The following IRAG1 variants were observed in gnomAD, a reference collection of about 807,000 sequenced individuals.
IRAG1 encodes the protein IP3R-associated cGMP kinase substrate.
In IRAG1, 62 loss-of-function variants were observed where a neutral mutation model predicts 106.2. The observed-to-expected ratio is 0.58, with a 90% CI of 0.48 to 0.72. The LOEUF is 0.72. IRAG1 is among the 30% of genes least tolerant of loss of function. The probability of loss-of-function intolerance (pLI) is 0.00; values close to 1 mark genes in which losing one functional copy is unlikely to be tolerated. For missense variants in IRAG1, 1,064 were observed against 1,140.7 expected (o/e 0.93, Z 0.97); for synonymous variants, 462 against 443.9 (o/e 1.04, Z -0.51).
intron 1 of IRAG1, among the ~76,000 whole-genome samples, chr11:10,667,143 T>G (rs1859849411): frequency 7.1e-6 from 1 of 140,914 alleles, no homozygotes; most frequent in South Asian, 2.5e-4. Flanking sequence ...TTTTTTTCGT[T>G]TTTTTGTTTT....
chr11:10,626,241 G>A lies in IRAG1; in HGVS notation c.1093C>T (p.Pro365Ser), dbSNP rs1271318983. 1.2e-6 allele frequency: 2 copies of A among 1,605,062 alleles called. No individual in the cohort carries two copies. ...VGPPASQGRG[P>S]AGEPMGPEAG... ...TCGGGCCCCATCGGCTCTCCAGCTG[G>A]GCCTCTCCCCTGGGAGGCTGGGGGA... Residue 365 changes from proline (P) to serine (S), a missense_variant, in exon 9 of 21, where the codon CCA becomes TCA. Coordinates refer to ENST00000423302, the MANE Select transcript of IRAG1 (RefSeq NM_130385.4).
chr11:10,587,687 T>G (rs528576487), intron 18 of IRAG1, among the ~76,000 whole-genome samples: 1 of 152,184 alleles, frequency 6.6e-6, no homozygotes, highest in African/African-American at 2.4e-5. Flanking sequence ...ATCTACATCC[T>G]GGTTTTGCTG....
chr11:10,650,544 C>T (rs1351570785), intron 2 of IRAG1, among the ~76,000 whole-genome samples: 1 of 152,066 alleles, frequency 6.6e-6, no homozygotes, highest in Non-Finnish European at 1.5e-5. Context: ...TCAGAGGAGT[C>T]CAGGGCGAGG....
In IRAG1 at chr11:10,657,132, C is replaced by T. The variant is rs34095452; in HGVS notation, c.68-4950G>A. Among the ~76,000 whole-genome samples the T allele has an allele frequency of 5.6e-3, 857 of 152,244 alleles. 13 individuals carry two copies. Among genetic ancestry groups the T allele is most frequent in the Non-Finnish European group, 5.3e-3 (363 of 68,026 alleles). On this transcript the variant is annotated intron_variant, in intron 1 of 20. Transcript: ENST00000423302. The surrounding 1 kb of genome is among the most constrained non-coding windows in gnomAD (Gnocchi z 4.1). Reference sequence around the variant, plus strand: ...AGTATAGAGCCATCATCGGGACGCACGGTTCAGGAACAGAATTTACAGAGA... The same window carrying T: ...AGTATAGAGCCATCATCGGGACGCATGGTTCAGGAACAGAATTTACAGAGA...
At chr11:10,652,603 C>T (rs187468832) in intron 1 of IRAG1, among the ~76,000 whole-genome samples, 18 of 152,254 alleles carry the variant, frequency 1.2e-4, no homozygotes, top group Admixed American at 9.2e-4. Flanking sequence ...CTGATGTAGG[C>T]ATTAATATTC....
intron 10 of IRAG1, among the ~76,000 whole-genome samples, chr11:10,613,006 A>G (rs1855095415): frequency 6.6e-6 from 1 of 152,160 alleles, no homozygotes; most frequent in Non-Finnish European, 1.5e-5. Context: ...GGTGGTAGAG[A>G]TTGAGTAATC....
chr11:10,599,920 T>C (rs1853784769), intron 15 of IRAG1: 1 of 152,238 alleles, frequency 6.6e-6, no homozygotes, highest in Non-Finnish European at 1.5e-5. Context: ...TTACCTCATG[T>C]GGTATAAACT....
chr11:10,690,098 G>C (rs1430359668), intron 1 of IRAG1, among the ~76,000 whole-genome samples: 1 of 152,180 alleles, frequency 6.6e-6, no homozygotes, highest in Non-Finnish European at 1.5e-5. Context: ...GCTAGGAAAA[G>C]TTTTCAGTCT....
intron 10 of IRAG1, among the ~76,000 whole-genome samples, chr11:10,617,698 C>T (rs770496941): frequency 6.6e-6 from 1 of 152,296 alleles, no homozygotes; most frequent in Non-Finnish European, 1.5e-5. Context: ...AACTCCTCCT[C>T]CTGTCTCACA....
intron 1 of IRAG1, among the ~76,000 whole-genome samples, chr11:10,685,210 G>A (rs181353573): frequency 1.3e-5 from 2 of 152,318 alleles, no homozygotes; most frequent in East Asian, 1.9e-4. Flanking sequence ...TTGAAAGGAG[G>A]CTGAGGCAGG....
At chr11:10,593,749 G>A in intron 16 of IRAG1, 150 bp from the exon 17 acceptor site, 1 of 645,730 alleles carries the variant, frequency 1.5e-6, no homozygotes, top group Non-Finnish European at 2.6e-6. Context: ...GAATTGGTGT[G>A]GAGAGAGTGG....
intron 15 of IRAG1, among the ~76,000 whole-genome samples, chr11:10,598,453 A>G (rs1853576075): frequency 6.6e-6 from 1 of 152,266 alleles, no homozygotes; most frequent in African/African-American, 2.4e-5. Context: ...AAGAGTTCAT[A>G]TAAATTAGTA....
intron 2 of IRAG1, among the ~76,000 whole-genome samples, chr11:10,637,277 CAAG>C (rs1284975506): frequency 6.6e-6 from 1 of 152,156 alleles, no homozygotes; most frequent in Admixed American, 6.5e-5. Flanking sequence ...GAGGGAGTGA[CAAG>C]AAGTCAGCAC....
At chr11:10,687,546 G>T in intron 1 of IRAG1, 1 of 661,522 alleles carries the variant, frequency 1.5e-6, no homozygotes, top group African/African-American at 1.9e-5. Flanking sequence ...AGCTTCATCA[G>T]TCATACGGGT....
At position 10,627,756 on chromosome 11, in the gene IRAG1, C is replaced by T. The variant is rs761178565; in HGVS notation, c.710G>A (p.Gly237Glu). The change falls in exon 8 of 21, where the codon GGG becomes GAG. Residue 237 changes from glycine to glutamate, a missense_variant. Physicochemically the swap from Gly to Glu is moderately conservative, Grantham distance 98. Coordinates refer to ENST00000423302, the MANE Select transcript of IRAG1 (RefSeq NM_130385.4). Reference sequence around the variant, plus strand: ...AGGTGAAGAGACGTCGGCCTCATCCCCCTTCTGCTGGAGAAGGTGAACAGG... The same window carrying T: ...AGGTGAAGAGACGTCGGCCTCATCCTCCTTCTGCTGGAGAAGGTGAACAGG... ...SPLPGAPPQK[G>E]DEADVSSPHP... is the part of the protein sequence containing the mutation. 2 of 1,613,970 alleles carry T rather than the reference C, an allele frequency of 1.2e-6. No homozygotes were observed. Among genetic ancestry groups the T allele is most frequent in the East Asian group, 4.5e-5 (2 of 44,880 alleles).
intron 11 of IRAG1, among the ~76,000 whole-genome samples, chr11:10,607,363 C>G (rs959035550): frequency 2.0e-5 from 3 of 152,170 alleles, no homozygotes; most frequent in Non-Finnish European, 4.4e-5. Flanking sequence ...TTCTTCTCCA[C>G]AGCAAGAACT....
chr11:10,577,543 T>A (rs573783839), intron 20 of IRAG1, among the ~76,000 whole-genome samples: 3 of 152,132 alleles, frequency 2.0e-5, no homozygotes, highest in Non-Finnish European at 4.4e-5. Context: ...AAAAATAATA[T>A]GAAAAATGAG....
At chr11:10,688,083 A>G (rs1288347620) in intron 1 of IRAG1, among the ~76,000 whole-genome samples, 1 of 150,920 alleles carries the variant, frequency 6.6e-6, no homozygotes, top group East Asian at 1.9e-4. Context: ...TGATGCAAAT[A>G]TTCCAAAGGC....
chr11:10,608,318 CAG>C (rs1457647811), intron 11 of IRAG1, among the ~76,000 whole-genome samples: 1 of 152,006 alleles, frequency 6.6e-6, no homozygotes, highest in Non-Finnish European at 1.5e-5. Context: ...TTTGTAGAAA[CAG>C]AGTTTCACTC....
Sources: gnomAD v4.1 joint callset for allele counts (sites outside exome capture counted in the v4.1 genomes callset) on GRCh38, gnomAD v4.1.1 for gene constraint, Gnocchi (gnomAD v3.1) non-coding constraint, MANE v1.5 for transcripts, NCBI Gene and HGNC (gene_info 2026-07-23, HGNC 2026-07-21) for gene names.